CDH18: variants seen among roughly 807,000 people sequenced by gnomAD.
The protein encoded by CDH18 is cadherin-18.
CDH18 carries 31 observed loss-of-function variants against 67.9 expected under a neutral mutation model. The ratio of observed to expected loss-of-function variants is 0.46; its 90% confidence interval spans 0.34 to 0.62. The LOEUF is 0.62. CDH18 is among the 20% of genes least tolerant of loss of function. The pLI, the probability that CDH18 is intolerant of heterozygous loss-of-function variation, is 0.01. For missense variants in CDH18, 890 were observed against 975.5 expected (o/e 0.91, Z 1.17); for synonymous variants, 362 against 347.2 (o/e 1.04, Z -0.48).
chr5:20,295,874 T>A (rs1196297048), intron 1 of CDH18, among the ~76,000 whole-genome samples: 1 of 43,938 alleles, frequency 2.3e-5, no homozygotes, highest in African/African-American at 5.0e-5. Flanking sequence ...TTTTTTTTCT[T>A]TTTTTTTTTT....
At chr5:19,583,586 T>C (rs1039410531) in intron 7 of CDH18, among the ~76,000 whole-genome samples, 1 of 152,092 alleles carries the variant, frequency 6.6e-6, no homozygotes, top group African/African-American at 2.4e-5. Flanking sequence ...TGGATTGGTC[T>C]GGAGGTATAA....
At chr5:19,521,945 C>A (rs1406476877) in intron 9 of CDH18, among the ~76,000 whole-genome samples, 1 of 151,362 alleles carries the variant, frequency 6.6e-6, no homozygotes, top group African/African-American at 2.4e-5. Context: ...ACTTTGGAAC[C>A]AATACTAGAC....
chr5:20,059,076 G>A (rs1453031425), intron 2 of CDH18, among the ~76,000 whole-genome samples: 2 of 152,126 alleles, frequency 1.3e-5, no homozygotes, highest in Admixed American at 6.5e-5. Flanking sequence ...ATGCGTCCAG[G>A]AATTTATCCA....
At chr5:19,869,317 A>T (rs545320020) in intron 2 of CDH18, among the ~76,000 whole-genome samples, 1 of 152,234 alleles carries the variant, frequency 6.6e-6, no homozygotes, top group East Asian at 1.9e-4. Context: ...CTATCATGTA[A>T]TAATTTACCC....
intron 1 of CDH18, among the ~76,000 whole-genome samples, chr5:20,434,465 T>C (rs183421790): frequency 6.6e-6 from 1 of 152,076 alleles, no homozygotes; most frequent in African/African-American, 2.4e-5. Context: ...GAGACTTCAA[T>C]AGCAAATTGA....
chr5:20,320,163 A>G (rs551933896), intron 1 of CDH18, among the ~76,000 whole-genome samples: 1 of 152,246 alleles, frequency 6.6e-6, no homozygotes, highest in South Asian at 2.1e-4. Context: ...GTTGGGATGG[A>G]TTGTTGATGG....
chr5:19,537,916 TGGAATA>T (rs1456059524), intron 9 of CDH18, among the ~76,000 whole-genome samples: 1 of 152,058 alleles, frequency 6.6e-6, no homozygotes, highest in African/African-American at 2.4e-5. Flanking sequence ...ACCAACATAC[TGGAATA>T]GTAGCTAAAA....
intron 2 of CDH18, among the ~76,000 whole-genome samples, chr5:20,062,182 A>T (rs192037797): frequency 2.8e-5 from 1 of 35,928 alleles, no homozygotes; most frequent in East Asian, 4.4e-4. Flanking sequence ...TTATTGAGAC[A>T]GTCTTGCTGT....
At chr5:19,482,555 C>A (rs1404906661) in intron 12 of CDH18, among the ~76,000 whole-genome samples, 1 of 152,048 alleles carries the variant, frequency 6.6e-6, no homozygotes, top group Non-Finnish European at 1.5e-5. Flanking sequence ...GTAGAAGTTT[C>A]TACAAGTTAT....
At chr5:20,468,256 T>G (rs1053070831) in intron 1 of CDH18, among the ~76,000 whole-genome samples, 6 of 152,130 alleles carry the variant, frequency 3.9e-5, no homozygotes, top group African/African-American at 1.4e-4. Context: ...CCTCAAGTGA[T>G]CTGCCTGCCT....
chr5:19,503,162 A>T, intron 10 of CDH18, 53 bp from the exon 11 acceptor site: 1 of 863,642 alleles, frequency 1.2e-6, no homozygotes, highest in Non-Finnish European at 1.9e-6. Flanking sequence ...TGTTCTCTTG[A>T]TTTTAATTAC....
At chr5:19,822,946 G>T (rs527294523) in intron 3 of CDH18, among the ~76,000 whole-genome samples, 121 of 152,210 alleles carry the variant, frequency 7.9e-4, no homozygotes, top group African/African-American at 2.8e-3. Context: ...CACACCCAAG[G>T]GGGCCATTTT....
At chr5:20,279,963 G>C (rs757484860) in intron 1 of CDH18, among the ~76,000 whole-genome samples, 2 of 151,704 alleles carry the variant, frequency 1.3e-5, no homozygotes, top group Non-Finnish European at 2.9e-5. Flanking sequence ...TATAGTCCAC[G>C]TTAGCACACA....
intron 2 of CDH18, among the ~76,000 whole-genome samples, chr5:20,237,742 T>G (rs1482849249): frequency 6.6e-6 from 1 of 151,976 alleles, no homozygotes; most frequent in Admixed American, 6.6e-5. Flanking sequence ...CACAAGTTCA[T>G]CTACAGATGC....
chr5:20,431,517 A>C (rs2150176191), intron 1 of CDH18, among the ~76,000 whole-genome samples: 1 of 151,620 alleles, frequency 6.6e-6, no homozygotes, highest in African/African-American at 2.4e-5. Flanking sequence ...GAAGAAGAAA[A>C]GAAGAATAGA....
intron 1 of CDH18, among the ~76,000 whole-genome samples, chr5:20,319,271 T>G (rs149872704): frequency 6.6e-6 from 1 of 152,208 alleles, no homozygotes; most frequent in Non-Finnish European, 1.5e-5. Context: ...AACCTTCTAC[T>G]ATTTTATTTT....
intron 1 of CDH18, among the ~76,000 whole-genome samples, chr5:20,461,299 T>C (rs1309744396): frequency 1.3e-5 from 2 of 152,176 alleles, no homozygotes; most frequent in Non-Finnish European, 2.9e-5. Flanking sequence ...ATTATTTCCT[T>C]TGTTTCTCTA....
At chr5:20,322,678 A>G (rs1215877664) in intron 1 of CDH18, among the ~76,000 whole-genome samples, 6 of 152,168 alleles carry the variant, frequency 3.9e-5, no homozygotes, top group Non-Finnish European at 7.4e-5. Context: ...GTTATTAACT[A>G]GAAGGTTCTA....
chr5:19,793,576 G>A (rs1476532777), intron 3 of CDH18, among the ~76,000 whole-genome samples: 5 of 152,036 alleles, frequency 3.3e-5, no homozygotes, highest in South Asian at 4.1e-4. Flanking sequence ...AATCTTTCCA[G>A]TTGCCTTTTA....
Sources: allele counts gnomAD v4.1 joint callset (sites outside exome capture counted in the v4.1 genomes callset), GRCh38; gene constraint gnomAD v4.1.1; transcripts MANE v1.5; gene names NCBI Gene and HGNC (gene_info 2026-07-23, HGNC 2026-07-21).